Variants in DCBLD2 observed in about 807,000 individuals in gnomAD.
DCBLD2 encodes the protein discoidin, CUB and LCCL domain-containing protein 2.
A neutral mutation model predicts 86.8 loss-of-function variants in DCBLD2; 54 were observed. That is an observed-to-expected ratio of 0.62 (90% confidence interval 0.50 to 0.78). DCBLD2 has a LOEUF of 0.78. DCBLD2 is among the 30% of genes least tolerant of loss of function. DCBLD2 has a pLI of 0.00. For missense variants in DCBLD2, 908 were observed against 954.2 expected (o/e 0.95, Z 0.64); for synonymous variants, 354 against 341.3 (o/e 1.04, Z -0.41).
Position 98,841,019 on chromosome 3 carries a change from G to C in DCBLD2, c.571+8442C>G, listed in dbSNP as rs572295606. 1.9e-3 allele frequency among the ~76,000 whole-genome samples: 295 copies of C among 152,292 alleles called. 4 individuals carry two copies. Among genetic ancestry groups the C allele is most frequent in the African/African-American group, 6.8e-3 (282 of 41,560 alleles). ...CTCTTTTTCTGTATAGCCCCCAAAA[G>C]AGCATCTTCAGTGTTGAATATACAC... On this transcript the variant is annotated intron_variant, in intron 3 of 15. Coordinates refer to ENST00000326840, the MANE Select transcript of DCBLD2 (RefSeq NM_080927.4).
intron 1 of DCBLD2, among the ~76,000 whole-genome samples, chr3:98,894,433 A>G (rs750282499): frequency 3.3e-5 from 5 of 152,172 alleles, no homozygotes; most frequent in Non-Finnish European, 5.9e-5. Context: ...TGCAAAGGAG[A>G]AAGTGTGCCC....
At chr3:98,895,187 C>CA (rs1943730884) in intron 1 of DCBLD2, 1 of 152,092 alleles carries the variant, frequency 6.6e-6, no homozygotes, top group African/African-American at 2.4e-5. Flanking sequence ...TAGATTAAGT[C>CA]AGAGTGAAAG....
chr3:98,802,902 G>A (rs1299292971), intron 13 of DCBLD2, among the ~76,000 whole-genome samples: 1 of 152,116 alleles, frequency 6.6e-6, no homozygotes, highest in African/African-American at 2.4e-5. Context: ...TGTTCCATTG[G>A]TCTATATCTC....
intron 2 of DCBLD2, among the ~76,000 whole-genome samples, chr3:98,877,826 A>G (rs1054235023): frequency 6.6e-6 from 1 of 152,108 alleles, no homozygotes; most frequent in African/African-American, 2.4e-5. Context: ...GAGGTACTCA[A>G]ATAATGATGA....
chr3:98,805,097 T>C (rs1941809065), intron 13 of DCBLD2: 1 of 152,316 alleles, frequency 6.6e-6, no homozygotes, highest in Non-Finnish European at 1.5e-5. Context: ...CAAATGTGGT[T>C]TTCATAAAAA....
chr3:98,812,544 C>T, intron 9 of DCBLD2, 62 bp from the exon 10 acceptor site: 1 of 1,463,996 alleles, frequency 6.8e-7, no homozygotes. Context: ...TAAATTTCTC[C>T]ACTTAAACAT....
chr3:98,822,705 A>G lies in DCBLD2; in HGVS notation c.660T>C (p.Ala220=), dbSNP rs755522928. Residue 220 remains alanine, a synonymous_variant, in exon 5 of 16, where the codon GCT becomes GCC. Transcript: ENST00000326840. ...CATGAGGAATTGTTCCAGATATCTC[A>G]GCAAAAGGAAGCAGACAACCAGCTG... ...YCPAGCLLPF[A]EISGTIPHGY... The G allele has an allele frequency of 1.6e-5, 25 of 1,597,708 alleles. No homozygotes were observed. The highest frequency in any genetic ancestry group is 2.7e-5 in the African/African-American group (2 of 74,696).
chr3:98,824,006 T>C (rs1942170411), intron 4 of DCBLD2, among the ~76,000 whole-genome samples: 1 of 152,070 alleles, frequency 6.6e-6, no homozygotes, highest in Admixed American at 6.6e-5. Context: ...GTCAGAGGGA[T>C]GAGCACAGCA....
rs555123347 is a variant in DCBLD2, at chr3:98,854,612, T to C, written c.434-5014A>G. Among the ~76,000 whole-genome samples the C allele has an allele frequency of 4.6e-5, 7 of 152,348 alleles. No homozygotes were observed. In the East Asian group the frequency reaches 5.8e-4, roughly 13 times the overall value. On this transcript the variant is annotated intron_variant, in intron 2 of 15. Coordinates refer to ENST00000326840, the MANE Select transcript of DCBLD2 (RefSeq NM_080927.4). ...TTTAAAAGGGATTTAACAATATTAC[T>C]AAAAATGAATTTGCCTCTCCTTCTA...
chr3:98,901,095 GCC>G, intron 1 of DCBLD2, 25 bp downstream of exon 1: 1 of 1,538,278 alleles, frequency 6.5e-7, no homozygotes. Flanking sequence ...AGGTTCCCCC[GCC>G]GCTCACTCCC....
At chr3:98,892,023 C>CAAGG (rs1385795196) in intron 1 of DCBLD2, among the ~76,000 whole-genome samples, 3 of 152,124 alleles carry the variant, frequency 2.0e-5, no homozygotes, top group Non-Finnish European at 4.4e-5. Context: ...ATAAAACATA[C>CAAGG]AAGGCTCTTA....
chr3:98,849,961 T>C (rs1942804424), intron 2 of DCBLD2, among the ~76,000 whole-genome samples: 1 of 152,184 alleles, frequency 6.6e-6, no homozygotes, highest in Admixed American at 6.5e-5. Context: ...TTAGTAGTAT[T>C]CTTAAAGTGC....
At position 98,839,257 on chromosome 3, in the gene DCBLD2, C is replaced by T. The variant is rs1312179236; in HGVS notation, c.571+10204G>A. 4.4e-5 allele frequency among the ~76,000 whole-genome samples: 6 copies of T among 134,960 alleles called. No homozygotes were observed. The East Asian group carries it at 1.2e-3, about 28-fold the overall frequency. 88.5% of individuals were successfully genotyped at this position (134,960 alleles called of 152,430 possible). ...TCTCTCTCATTCTTTCTTTCTTCCT[C>T]TTTCTTTCTCAGAGTCTTGCTCTGT... On this transcript the variant is annotated intron_variant, in intron 3 of 15. Transcript: ENST00000326840.
At chr3:98,890,090 T>G (rs1943632353) in intron 1 of DCBLD2, among the ~76,000 whole-genome samples, 1 of 152,072 alleles carries the variant, frequency 6.6e-6, no homozygotes, top group Non-Finnish European at 1.5e-5. Context: ...TCAAGACTGT[T>G]GCGGGTTGAA....
chr3:98,834,885 C>A (rs1414092614), intron 3 of DCBLD2, among the ~76,000 whole-genome samples: 1 of 152,046 alleles, frequency 6.6e-6, no homozygotes, highest in Admixed American at 6.5e-5. Context: ...AGCTGCCTGT[C>A]ATAATCCCAA....
At chr3:98,884,824 T>A (rs1273760822) in intron 1 of DCBLD2, among the ~76,000 whole-genome samples, 1 of 152,194 alleles carries the variant, frequency 6.6e-6, no homozygotes, top group Non-Finnish European at 1.5e-5. Context: ...AACAGCTGAA[T>A]CTACGACTTT....
At chr3:98,821,680 T>C (rs879322156) in intron 6 of DCBLD2, among the ~76,000 whole-genome samples, 1 of 152,060 alleles carries the variant, frequency 6.6e-6, no homozygotes, top group Non-Finnish European at 1.5e-5. Flanking sequence ...AAGAAACACA[T>C]TACTCTTCCA....
At position 98,825,249 on chromosome 3, in the gene DCBLD2, TGAA is replaced by T. The variant is rs1363046353; in HGVS notation, c.623+63_623+65del. The T allele has an allele frequency of 5.9e-6, 7 of 1,182,412 alleles. No homozygotes were observed. The Admixed American group carries it at 1.6e-4, about 27-fold the overall frequency. 73.2% of individuals were successfully genotyped at this position (1,182,412 alleles called of 1,614,324 possible). A position where few individuals can be genotyped will look rare whatever the true frequency, so the allele number is the denominator to read the frequency against. ...ACCCTAAGAGTATACAGAATGAAAA[TGAA>T]GAAGTGAATGAAAAGTAACATTTAA... On this transcript the variant is annotated intron_variant, in intron 4 of 15. Transcript: ENST00000326840.
chr3:98,849,951 T>A (rs1022857690), intron 2 of DCBLD2, among the ~76,000 whole-genome samples: 3 of 152,158 alleles, frequency 2.0e-5, no homozygotes, highest in African/African-American at 7.2e-5. Flanking sequence ...TGATGATTAA[T>A]TAGTAGTATT....
Sources: gnomAD v4.1 joint callset for allele counts (sites outside exome capture counted in the v4.1 genomes callset) on GRCh38, gnomAD v4.1.1 for gene constraint, MANE v1.5 for transcripts, NCBI Gene and HGNC (gene_info 2026-07-23, HGNC 2026-07-21) for gene names.